The following RANBP17 variants were observed in gnomAD, a reference collection of about 807,000 sequenced individuals.
RANBP17 encodes ran-binding protein 17.
A neutral mutation model predicts 141.2 loss-of-function variants in RANBP17; 158 were observed. The ratio of observed to expected loss-of-function variants is 1.12; its 90% CI spans 0.98 to 1.28. The LOEUF (loss-of-function observed/expected upper bound fraction) is 1.28, where lower values mean the gene tolerates loss of function less well. Among genes scored for constraint, RANBP17 ranks in the 50% most tolerant of loss-of-function variants. RANBP17 has a pLI of 0.00. For missense variants in RANBP17, 1,438 were observed against 1,290.7 expected (o/e 1.11, Z -1.75); for synonymous variants, 430 against 450.0 (o/e 0.96, Z 0.56).
chr5:171,135,325 TATC>T (rs1354714547), intron 14 of RANBP17, among the ~76,000 whole-genome samples: 1 of 151,954 alleles, frequency 6.6e-6, no homozygotes, highest in Non-Finnish European at 1.5e-5. Context: ...TATGATTTCT[TATC>T]ATTGTTTACT....
chr5:170,963,700 C>T (rs374376855), intron 13 of RANBP17, among the ~76,000 whole-genome samples: 10 of 152,210 alleles, frequency 6.6e-5, no homozygotes, highest in African/African-American at 2.4e-4. Context: ...TGACAGGAGG[C>T]GGAGCTCAGG....
At chr5:171,144,531 G>GCC (rs1260060602) in intron 14 of RANBP17, among the ~76,000 whole-genome samples, 2 of 152,194 alleles carry the variant, frequency 1.3e-5, no homozygotes, top group Non-Finnish European at 2.9e-5. Context: ...ACTGCAGGTT[G>GCC]CCCTTCAGCC....
At chr5:171,095,916 TAAAATA>T (rs1786653280) in intron 14 of RANBP17, among the ~76,000 whole-genome samples, 1 of 152,064 alleles carries the variant, frequency 6.6e-6, no homozygotes, top group African/African-American at 2.4e-5. Context: ...TGTATGCCCT[TAAAATA>T]AAGGAAGGTA....
At chr5:171,082,053 T>A (rs1024503486) in intron 14 of RANBP17, among the ~76,000 whole-genome samples, 3 of 152,158 alleles carry the variant, frequency 2.0e-5, no homozygotes, top group Non-Finnish European at 4.4e-5. Flanking sequence ...AATAAAACCT[T>A]AAAAATAATT....
chr5:171,105,394 A>AAAG (rs1754744808), intron 14 of RANBP17, among the ~76,000 whole-genome samples: 1 of 148,580 alleles, frequency 6.7e-6, no homozygotes, highest in Non-Finnish European at 1.5e-5. Context: ...AAAAAAAAAA[A>AAAG]AAAAAAAAAA....
At chr5:171,213,976 G>T (rs1268183449) in intron 21 of RANBP17, among the ~76,000 whole-genome samples, 2 of 152,190 alleles carry the variant, frequency 1.3e-5, no homozygotes, top group African/African-American at 2.4e-5. Flanking sequence ...TAAATTGGAA[G>T]ACTGCAGCCA....
chr5:171,266,910 CT>C (rs1206638167), intron 25 of RANBP17, among the ~76,000 whole-genome samples: 1 of 149,570 alleles, frequency 6.7e-6, no homozygotes, highest in Non-Finnish European at 1.5e-5. Flanking sequence ...AAGACTCCAT[CT>C]CAAAAAAAAA....
At chr5:171,221,051 T>C (rs1310272842) in intron 21 of RANBP17, among the ~76,000 whole-genome samples, 2 of 152,192 alleles carry the variant, frequency 1.3e-5, no homozygotes, top group Non-Finnish European at 2.9e-5. Context: ...AATCCTTTTT[T>C]CAAAATGCCA....
intron 5 of RANBP17, among the ~76,000 whole-genome samples, chr5:170,906,720 A>G (rs1055589398): frequency 1.3e-5 from 2 of 151,846 alleles, no homozygotes; most frequent in Non-Finnish European, 2.9e-5. Flanking sequence ...CATTGCTAAC[A>G]TTATTTGTTT....
chr5:171,029,018 C>A, intron 14 of RANBP17: 1 of 1,044,124 alleles, frequency 9.6e-7, no homozygotes, highest in Middle Eastern at 2.5e-4. Flanking sequence ...ATATGTTAAG[C>A]CAGTTCTTTT....
chr5:171,204,171 GA>G (rs1462016762), intron 19 of RANBP17, among the ~76,000 whole-genome samples: 1 of 152,148 alleles, frequency 6.6e-6, no homozygotes, highest in Middle Eastern at 3.2e-3. Context: ...TAAAGGAGCA[GA>G]AACAAAAATT....
intron 14 of RANBP17, among the ~76,000 whole-genome samples, chr5:171,079,601 G>A (rs1417230272): frequency 2.6e-5 from 4 of 152,054 alleles, no homozygotes; most frequent in South Asian, 2.1e-4. Flanking sequence ...CACCCTTATC[G>A]GTCAGAAGAC....
chr5:171,284,324 A>G (rs909469810), intron 25 of RANBP17, among the ~76,000 whole-genome samples: 2 of 151,268 alleles, frequency 1.3e-5, no homozygotes, highest in African/African-American at 4.9e-5. Flanking sequence ...ATTTTATTTT[A>G]TTTTGTTTAT....
intron 14 of RANBP17, among the ~76,000 whole-genome samples, chr5:170,984,057 G>GAATA (rs928491481): frequency 2.0e-5 from 3 of 152,102 alleles, no homozygotes; most frequent in Admixed American, 6.5e-5. Flanking sequence ...AGCAAATACT[G>GAATA]AATAAATAAA....
chr5:170,936,048 T>C (rs965166283), intron 12 of RANBP17, among the ~76,000 whole-genome samples: 1 of 152,172 alleles, frequency 6.6e-6, no homozygotes, highest in African/African-American at 2.4e-5. Flanking sequence ...CTCAGGCTCT[T>C]GTGCTAGCAG....
chr5:170,976,393 T>C (rs985013961), intron 14 of RANBP17, among the ~76,000 whole-genome samples: 3 of 152,172 alleles, frequency 2.0e-5, no homozygotes, highest in African/African-American at 7.2e-5. Context: ...CTTAATATTG[T>C]TAAGATAGCA....
chr5:171,248,177 T>C (rs1765334376), intron 24 of RANBP17, among the ~76,000 whole-genome samples: 1 of 152,008 alleles, frequency 6.6e-6, no homozygotes, highest in Admixed American at 6.6e-5. Context: ...CCATCCTGGC[T>C]AACACGGTGA....
At chr5:171,110,124 C>T (rs1244906107) in intron 14 of RANBP17, among the ~76,000 whole-genome samples, 1 of 151,568 alleles carries the variant, frequency 6.6e-6, no homozygotes, top group Non-Finnish European at 1.5e-5. Context: ...TCAGTATCAT[C>T]ATAGCATAGT....
intron 24 of RANBP17, among the ~76,000 whole-genome samples, chr5:171,250,902 A>C (rs1225862473): frequency 6.6e-6 from 1 of 152,234 alleles, no homozygotes; most frequent in Non-Finnish European, 1.5e-5. Flanking sequence ...TCAACATGCC[A>C]CTGTCAGCAT....
Sources: gnomAD v4.1 joint callset for allele counts (sites outside exome capture counted in the v4.1 genomes callset) on GRCh38, gnomAD v4.1.1 for gene constraint, MANE v1.5 for transcripts, NCBI Gene and HGNC (gene_info 2026-07-23, HGNC 2026-07-21) for gene names.